The following CCM2 variants were observed in gnomAD, a reference collection of about 807,000 sequenced individuals.
CCM2 encodes cerebral cavernous malformations 2 protein.
A neutral mutation model predicts 44.9 loss-of-function variants in CCM2; 25 were observed. The observed-to-expected ratio is 0.56, with a 90% confidence interval of 0.41 to 0.78. The LOEUF (loss-of-function observed/expected upper bound fraction) is 0.78. Among genes scored for constraint, CCM2 ranks in the 30% least tolerant of loss-of-function variants. The pLI, the probability that CCM2 is intolerant of heterozygous loss-of-function variation, is 0.00. For missense variants in CCM2, 481 were observed against 580.6 expected, an observed-to-expected ratio of 0.83 and a Z score of 1.76; for synonymous variants, 219 against 241.1, an observed-to-expected ratio of 0.91 and a Z score of 0.85.
At chr7:45,009,974 A>G (rs1054382959) in intron 1 of CCM2, among the ~76,000 whole-genome samples, 1 of 151,612 alleles carries the variant, frequency 6.6e-6, no homozygotes, top group African/African-American at 2.4e-5. Context: ...CCGTGGTGCA[A>G]TCATGGCACA....
intron 2 of CCM2, among the ~76,000 whole-genome samples, chr7:45,052,722 T>G (rs1295866940): frequency 1.3e-5 from 2 of 152,216 alleles, no homozygotes; most frequent in Admixed American, 1.3e-4. Context: ...TACCACAATT[T>G]ATCCACCATA....
In CCM2 at chr7:45,023,800, T is replaced by TGG. The variant is rs1562868278; in HGVS notation, c.31-14453_31-14452insGG. 1.1e-4 allele frequency among the ~76,000 whole-genome samples: 14 copies of TGG among 127,446 alleles called. 1 individual carries two copies. Among genetic ancestry groups the TGG allele is most frequent in the African/African-American group, 3.1e-4 (11 of 35,080 alleles). 83.6% of individuals were successfully genotyped at this position (127,446 alleles called of 152,430 possible). A position where few individuals can be genotyped will look rare whatever the true frequency, so the allele number is the denominator to read the frequency against. ...AGCTCTGTATCAGTTTTTTTTTTTT[T>TGG]TTTTTTTTTTTTTTTTTTTTTTTTT... On this transcript the variant is annotated intron_variant, in intron 1 of 9. Transcript: ENST00000258781.
intron 1 of CCM2, among the ~76,000 whole-genome samples, chr7:45,014,045 C>T (rs1047709204): frequency 6.6e-6 from 1 of 152,074 alleles, no homozygotes; most frequent in African/African-American, 2.4e-5. Context: ...CTCTAGTATC[C>T]TTATTTATTT....
chr7:45,068,721 C>T (rs1798908826), intron 5 of CCM2, 142 bp downstream of exon 5: 6 of 1,086,404 alleles, frequency 5.5e-6, no homozygotes, highest in South Asian at 1.3e-5. Context: ...CTGTCCCTGC[C>T]TCACCCTAGT....
chr7:45,024,494 C>T (rs1319441850), intron 1 of CCM2, among the ~76,000 whole-genome samples: 1 of 152,160 alleles, frequency 6.6e-6, no homozygotes, highest in East Asian at 1.9e-4. Context: ...TGGGTTGGTT[C>T]CACTGTTTCT....
chr7:45,063,836 G>T, intron 2 of CCM2, 82 bp from the exon 3 acceptor site: 1 of 958,750 alleles, frequency 1.0e-6, no homozygotes, highest in Non-Finnish European at 1.7e-6. Flanking sequence ...TGAAGCACTT[G>T]GTTTGTGCTC....
At chr7:45,046,397 C>T (rs972364060) in intron 2 of CCM2, among the ~76,000 whole-genome samples, 1 of 152,226 alleles carries the variant, frequency 6.6e-6, no homozygotes, top group African/African-American at 2.4e-5. Context: ...TGCAGAGGGA[C>T]TGACACAGAG....
chr7:45,038,490 CCAGA>C, intron 2 of CCM2, 64 bp downstream of exon 2: 1 of 1,537,456 alleles, frequency 6.5e-7, no homozygotes, highest in Non-Finnish European at 9.0e-7. Context: ...CTTGTATCCA[CCAGA>C]CACTCTTGAG....
At chr7:45,068,391 C>T in intron 4 of CCM2, 52 bp from the exon 5 acceptor site, 1 of 1,612,782 alleles carries the variant, frequency 6.2e-7, no homozygotes. Flanking sequence ...CCTCAAGTGC[C>T]CCCATGCCTG....
At chr7:45,029,093 C>G (rs1022328655) in intron 1 of CCM2, among the ~76,000 whole-genome samples, 6 of 152,200 alleles carry the variant, frequency 3.9e-5, no homozygotes, top group Non-Finnish European at 1.5e-5. Context: ...CATTTTCCCT[C>G]ATTCCTGCTG....
chr7:45,057,652 AG>A (rs1342963628), intron 2 of CCM2, among the ~76,000 whole-genome samples: 6 of 152,246 alleles, frequency 3.9e-5, no homozygotes, highest in African/African-American at 1.4e-4. Context: ...GCCTCAGCTA[AG>A]GGCAGGTCTG....
intron 1 of CCM2, among the ~76,000 whole-genome samples, chr7:45,014,222 C>T (rs1300226073): frequency 6.6e-6 from 1 of 152,122 alleles, no homozygotes; most frequent in Non-Finnish European, 1.5e-5. Context: ...TCATTGCAAC[C>T]TCTGCCTCCC....
At chr7:45,001,422 G>C (rs1795621553) in intron 1 of CCM2, among the ~76,000 whole-genome samples, 1 of 152,272 alleles carries the variant, frequency 6.6e-6, no homozygotes, top group African/African-American at 2.4e-5. Flanking sequence ...TCAGCCTGCA[G>C]GTGTTAGATT....
intron 1 of CCM2, among the ~76,000 whole-genome samples, chr7:45,028,178 G>A (rs1014369684): frequency 3.3e-5 from 5 of 152,218 alleles, no homozygotes; most frequent in Non-Finnish European, 7.3e-5. Flanking sequence ...AGATGGCCAA[G>A]CAAGAGAGCA....
chr7:45,039,825 G>A (rs1398221275), intron 2 of CCM2, among the ~76,000 whole-genome samples: 1 of 151,918 alleles, frequency 6.6e-6, no homozygotes, highest in African/African-American at 2.4e-5. Context: ...TCAGGAGTTC[G>A]AGAGCAGCCT....
intron 1 of CCM2, among the ~76,000 whole-genome samples, chr7:45,003,487 C>G (rs1184114960): frequency 6.6e-6 from 1 of 152,110 alleles, no homozygotes; most frequent in South Asian, 2.1e-4. Context: ...AATCCTAACA[C>G]TTTGGGAGGC....
At chr7:45,057,293 G>A (rs973586084) in intron 2 of CCM2, among the ~76,000 whole-genome samples, 13 of 152,242 alleles carry the variant, frequency 8.5e-5, no homozygotes, top group Middle Eastern at 6.8e-3. Context: ...CTCCCAAGTA[G>A]CTGGGACTAC....
chr7:45,004,735 C>T (rs142343452), intron 1 of CCM2, among the ~76,000 whole-genome samples: 105 of 152,014 alleles, frequency 6.9e-4, no homozygotes, highest in African/African-American at 2.2e-3. Context: ...TGGCCAGGTG[C>T]GGTGGCTCAC....
rs1231938168 is a variant in CCM2 at position 45,068,511 on chromosome 7, T to G, written c.541T>G (p.Ser181Ala). Residue 181 changes from serine to alanine, a missense_variant, in exon 5 of 10, where the codon TCC becomes GCC. By Grantham distance (99) the Ser-to-Ala change is moderately conservative. Coordinates refer to ENST00000258781, the MANE Select transcript of CCM2 (RefSeq NM_031443.4). ...AESSRGLSAG[S>A]LSESAVGPVE... ...AAGTTCCAGAGGCCTCAGTGCAGGC[T>G]CCCTGTCGGAGAGTGCAGTTGGGCC... The G allele has an allele frequency of 2.5e-6, 4 of 1,614,006 alleles. No individual in the cohort carries two copies. The highest frequency in any genetic ancestry group is 3.4e-6 in the Non-Finnish European group (4 of 1,180,036).
Sources: gnomAD v4.1 joint callset for allele counts (sites outside exome capture counted in the v4.1 genomes callset) on GRCh38, gnomAD v4.1.1 for gene constraint, MANE v1.5 for transcripts, NCBI Gene and HGNC (gene_info 2026-07-23, HGNC 2026-07-21) for gene names.